The following RSF1 variants were observed in gnomAD, a reference collection of about 807,000 sequenced individuals.
RSF1 encodes HBV pX-associated protein 8.
Under a neutral mutation model 145.2 loss-of-function variants are expected in RSF1, and 13 were observed. The ratio of observed to expected loss-of-function variants is 0.09; its 90% CI spans 0.06 to 0.14. The LOEUF is 0.14. Among genes scored for constraint, RSF1 ranks in the 10% least tolerant of loss-of-function variants. The pLI is 1.00. For missense variants in RSF1, 1,517 were observed against 1,718.2 expected (o/e 0.88, Z 2.07); for synonymous variants, 577 against 592.6 (o/e 0.97, Z 0.38).
At chr11:77,773,865 A>G (rs1464738629) in intron 1 of RSF1, among the ~76,000 whole-genome samples, 1 of 152,248 alleles carries the variant, frequency 6.6e-6, no homozygotes, top group Non-Finnish European at 1.5e-5. Context: ...TTTTAAATTT[A>G]TCCCAAATGC....
chr11:77,798,777 T>G (rs1225106194), intron 1 of RSF1, among the ~76,000 whole-genome samples: 2 of 145,500 alleles, frequency 1.4e-5, no homozygotes, highest in East Asian at 2.0e-4. Flanking sequence ...GAAGTGGGAG[T>G]TGAACAATGA....
intron 1 of RSF1, among the ~76,000 whole-genome samples, chr11:77,786,297 G>A (rs956833417): frequency 7.9e-5 from 12 of 152,066 alleles, no homozygotes; most frequent in Non-Finnish European, 1.2e-4. Flanking sequence ...ATCCTATGTT[G>A]TGCTTAGCAA....
Position 77,672,132 on chromosome 11 carries a change from A to T in RSF1, c.3661T>A (p.Ser1221Thr), listed in dbSNP as rs1565143449. 1 of 1,613,890 alleles carries T rather than the reference A, an allele frequency of 6.2e-7. No individual in the cohort carries two copies. Among genetic ancestry groups the T allele is most frequent in the South Asian group, 1.1e-5 (1 of 91,054 alleles). ...QKRQINYKED[S>T]ESDGSQKSLR... ...CTCTTCTGGGAACCGTCACTTTCTG[A>T]GTCTTCTTTGTAGTTAATTTGTCTT... The change falls in exon 15 of 16, where the codon TCA becomes ACA. Residue 1221 changes from serine to threonine, a missense_variant. Transcript: ENST00000308488.
chr11:77,841,241 T>C, the RSF1 span: 16 of 702,340 alleles, frequency 2.3e-5, no homozygotes, highest in Admixed American at 6.0e-5. Flanking sequence ...CCTCTTAATG[T>C]TGTTATAATG....
rs541234094 is a variant in RSF1, at chr11:77,730,834, T to C, written c.579-5135A>G. On this transcript the variant is annotated intron_variant, in intron 4 of 15. Coordinates refer to ENST00000308488, the MANE Select transcript of RSF1 (RefSeq NM_016578.4). ...AGACATGACTTGCTCCTCCTTGCCT[T>C]CTGCCATGATTTTGATGCCTCCCCA... 7.9e-4 allele frequency among the ~76,000 whole-genome samples: 121 copies of C among 152,316 alleles called. 1 individual carries two copies. Among genetic ancestry groups the C allele is most frequent in the African/African-American group, 2.8e-3 (116 of 41,562 alleles).
intron 1 of RSF1, among the ~76,000 whole-genome samples, chr11:77,787,212 A>G (rs913969771): frequency 6.6e-6 from 1 of 152,178 alleles, no homozygotes; most frequent in Non-Finnish European, 1.5e-5. Flanking sequence ...GTCTATGAAC[A>G]AGGCCTGCCC....
intron 12 of RSF1, 149 bp from the exon 13 acceptor site, chr11:77,677,148 C>T (rs1162564026): frequency 1.5e-6 from 1 of 645,804 alleles, no homozygotes; most frequent in African/African-American, 1.8e-5. Flanking sequence ...CTTATGACTT[C>T]AGCTGACAGA....
At chr11:77,780,678 A>T (rs935450219) in intron 1 of RSF1, among the ~76,000 whole-genome samples, 1 of 152,110 alleles carries the variant, frequency 6.6e-6, no homozygotes, top group Non-Finnish European at 1.5e-5. Context: ...TACAAAAATT[A>T]GCCGCGTGTG....
intron 2 of RSF1, 76 bp from the exon 3 acceptor site, chr11:77,747,204 T>C: frequency 1.1e-6 from 1 of 870,796 alleles, no homozygotes; most frequent in South Asian, 1.4e-5. Flanking sequence ...AACTATGCTG[T>C]TCTTGTTAAT....
At chr11:77,788,175 A>AAAAAAAAAAG in intron 1 of RSF1, among the ~76,000 whole-genome samples, 1 of 136,668 alleles carries the variant, frequency 7.3e-6, no homozygotes, top group South Asian at 2.3e-4. Flanking sequence ...AAAAAAAAAA[A>AAAAAAAAAAG]AATTAGGGGT....
In RSF1 at chr11:77,702,222, G is replaced by C. The variant is rs145198818; in HGVS notation, c.1007C>G (p.Thr336Ser). The change falls in exon 6 of 16, where the codon ACC becomes AGC. Residue 336 changes from threonine (T) to serine (S), a missense_variant. This residue lies in a region of RSF1 where 207 missense variants were observed against 191.4 expected (regional missense o/e 1.08). Transcript: ENST00000308488. ...VKECRADPKD[T>S]KSSMEKPVAQ... The stretch of plus-strand genomic sequence containing the variant: ...CACTGGCTTCTCCATGCTACTTTTG[G>C]TATCTTTAGGATCTGCTCTACATTC... The C allele has an allele frequency of 4.3e-6, 7 of 1,613,832 alleles. No homozygotes were observed. Among genetic ancestry groups the C allele is most frequent in the Non-Finnish European group, 5.9e-6 (7 of 1,179,936 alleles).
At chr11:77,749,620 T>TA (rs1031854966) in intron 2 of RSF1, among the ~76,000 whole-genome samples, 1 of 152,122 alleles carries the variant, frequency 6.6e-6, no homozygotes, top group African/African-American at 2.4e-5. Context: ...AAGGGGAGGA[T>TA]AAAAAAAGAG....
intron 1 of RSF1, among the ~76,000 whole-genome samples, chr11:77,782,248 G>A (rs1471204481): frequency 6.6e-6 from 1 of 152,072 alleles, no homozygotes; most frequent in East Asian, 1.9e-4. Context: ...GCCAGAAGTG[G>A]TGGCTCACGA....
chr11:77,734,843 C>A (rs1265333612), intron 4 of RSF1: 3 of 1,590,254 alleles, frequency 1.9e-6, no homozygotes, highest in Non-Finnish European at 2.6e-6. Context: ...TCCCTCTCCT[C>A]ATGAGATTGG....
chr11:77,827,180 G>C, the RSF1 span, among the ~76,000 whole-genome samples: 1 of 151,948 alleles, frequency 6.6e-6, no homozygotes, highest in Non-Finnish European at 1.5e-5. Flanking sequence ...AAAAAGCTCA[G>C]ATTCAGATGG....
chr11:77,862,509 T>C, the RSF1 span, among the ~76,000 whole-genome samples: 2 of 152,158 alleles, frequency 1.3e-5, no homozygotes, highest in Non-Finnish European at 2.9e-5. Context: ...GAGGGCATAA[T>C]TGGGGAATAT....
chr11:77,741,082 T>C (rs1199911210), intron 3 of RSF1, 146 bp from the exon 4 acceptor site: 1 of 651,498 alleles, frequency 1.5e-6, no homozygotes, highest in Non-Finnish European at 2.7e-6. Context: ...CTCTTCCCAC[T>C]TTCATACAAA....
At chr11:77,678,029 A>G in intron 12 of RSF1, 57 bp downstream of exon 12, 4 of 1,255,504 alleles carry the variant, frequency 3.2e-6, no homozygotes, top group Non-Finnish European at 4.7e-6. Context: ...TAATTTGGGC[A>G]CCTGAATGAA....
chr11:77,817,482 C>T (rs983789612), intron 1 of RSF1, among the ~76,000 whole-genome samples: 1 of 152,190 alleles, frequency 6.6e-6, no homozygotes, highest in East Asian at 1.9e-4. Context: ...AGTAGCTCAC[C>T]TGGCAACCAG....
Sources: gnomAD v4.1 joint callset for allele counts (sites outside exome capture counted in the v4.1 genomes callset) on GRCh38, gnomAD v4.1.1 for gene constraint, gnomAD v4.1.1 regional missense constraint, MANE v1.5 for transcripts, NCBI Gene and HGNC (gene_info 2026-07-23, HGNC 2026-07-21) for gene names.